The following VWC2 variants were observed in gnomAD, a reference collection of about 807,000 sequenced individuals.
VWC2 encodes the protein von Willebrand factor C domain containing 2.
A neutral mutation model predicts 29.8 loss-of-function variants in VWC2; 14 were observed. That is an observed-to-expected ratio of 0.47 (90% CI 0.31 to 0.74). The LOEUF (loss-of-function observed/expected upper bound fraction) is 0.74, where lower values mean the gene tolerates loss of function less well. VWC2 is among the 30% of genes least tolerant of loss of function. The probability of loss-of-function intolerance (pLI) is 0.05; values close to 1 mark genes in which losing one functional copy is unlikely to be tolerated. For synonymous variants in VWC2, 213 were observed against 199.0 expected, an observed-to-expected ratio of 1.07 and a Z score of -0.59; for missense variants, 457 against 459.8, an observed-to-expected ratio of 0.99 and a Z score of 0.05.
intron 3 of VWC2, among the ~76,000 whole-genome samples, chr7:49,881,308 TAA>T (rs1353027623): frequency 1.3e-5 from 2 of 152,120 alleles, no homozygotes; most frequent in African/African-American, 4.8e-5. Context: ...TGCTGGCCTA[TAA>T]GAGACTCCAC....
chr7:49,853,514 G>C (rs1790282705), intron 3 of VWC2, among the ~76,000 whole-genome samples: 1 of 151,992 alleles, frequency 6.6e-6, no homozygotes, highest in Non-Finnish European at 1.5e-5. Context: ...AGTGGAATAA[G>C]ATAGGTCCTA....
At chr7:49,877,479 AAAATATATAT>A (rs1289370466) in intron 3 of VWC2, among the ~76,000 whole-genome samples, 6 of 12,738 alleles carry the variant, frequency 4.7e-4, no homozygotes, top group Admixed American at 3.8e-3. Flanking sequence ...AAAAAAAAAA[AAAATATATAT>A]ATATATATAT....
chr7:49,792,315 T>C (rs1788479001), intron 2 of VWC2, among the ~76,000 whole-genome samples: 1 of 152,210 alleles, frequency 6.6e-6, no homozygotes, highest in African/African-American at 2.4e-5. Flanking sequence ...ATAAAAAGAC[T>C]GAGGCACAAG....
intron 2 of VWC2, among the ~76,000 whole-genome samples, chr7:49,794,539 G>C (rs1788541475): frequency 6.6e-6 from 1 of 152,150 alleles, no homozygotes; most frequent in Admixed American, 6.5e-5. Context: ...ATGGGTGCTG[G>C]GCCCAGAAGC....
chr7:49,789,334 C>T (rs113872343), intron 2 of VWC2, among the ~76,000 whole-genome samples: 3,824 of 119,672 alleles, frequency 0.032, 158 homozygotes, highest in African/African-American at 0.15. Flanking sequence ...TGTGTGGGTG[C>T]GTGTGAGTGT....
chr7:49,905,528 GAT>G lies in VWC2; in HGVS notation c.827-6505_827-6504del, dbSNP rs1793037803. Among the ~76,000 whole-genome samples the G allele has an allele frequency of 2.0e-5, 3 of 152,308 alleles. 1 individual carries two copies. In the South Asian group the frequency reaches 6.2e-4, roughly 32 times the overall value. On this transcript the variant is annotated intron_variant, in intron 3 of 3. Coordinates refer to ENST00000340652, the MANE Select transcript of VWC2 (RefSeq NM_198570.5). ...TATATTTTAATGTGAGGTAAACCTT[GAT>G]TTCTATCATTTAAAAAAGAGTTTTA...
intron 3 of VWC2, among the ~76,000 whole-genome samples, chr7:49,865,273 G>A (rs1790831058): frequency 6.6e-6 from 1 of 152,158 alleles, no homozygotes; most frequent in African/African-American, 2.4e-5. Context: ...GTTGATCTCT[G>A]AAATCTGAGT....
At chr7:49,834,542 A>T (rs1381422189) in intron 3 of VWC2, among the ~76,000 whole-genome samples, 1 of 152,246 alleles carries the variant, frequency 6.6e-6, no homozygotes, top group Non-Finnish European at 1.5e-5. Flanking sequence ...ATGCTGAATT[A>T]TCAGTAGAAA....
intron 3 of VWC2, among the ~76,000 whole-genome samples, chr7:49,872,929 A>G (rs920376796): frequency 4.2e-4 from 63 of 149,396 alleles, no homozygotes; most frequent in African/African-American, 1.3e-3. Flanking sequence ...AAAAAAAAAA[A>G]AAAAAAAAGA....
In VWC2 at chr7:49,802,855, C is replaced by G; in HGVS notation, c.826+15C>G. On this transcript the variant is annotated intron_variant, in intron 3 of 3. Transcript: ENST00000340652. ...CTGCAAAAATGGTATGTGAGATCCC[C>G]GTTGGTGACGGGGTGCACCTCCCAC... is the stretch of plus-strand genomic sequence containing the variant. The G allele has an allele frequency of 6.2e-7, 1 of 1,613,958 alleles. No individual in the cohort carries two copies. The highest frequency in any genetic ancestry group is 8.5e-7 in the Non-Finnish European group (1 of 1,179,896).
At chr7:49,825,695 G>A (rs79587189) in intron 3 of VWC2, among the ~76,000 whole-genome samples, 203 of 152,314 alleles carry the variant, frequency 1.3e-3, no homozygotes, top group African/African-American at 4.8e-3. Flanking sequence ...AATCCCAGCT[G>A]TAAGGCTTTG....
chr7:49,885,177 T>C (rs569772575), intron 3 of VWC2, among the ~76,000 whole-genome samples: 8 of 152,164 alleles, frequency 5.3e-5, no homozygotes, highest in Admixed American at 2.0e-4. Flanking sequence ...ACATAAGAAA[T>C]TGAAATAATT....
intron 3 of VWC2, among the ~76,000 whole-genome samples, chr7:49,881,806 T>TTGTATATGAATAA (rs1353424717): frequency 2.0e-5 from 3 of 152,114 alleles, no homozygotes; most frequent in East Asian, 3.8e-4. Flanking sequence ...ATAATAATAA[T>TTGTATATGAATAA]TAAAATAATT....
intron 2 of VWC2, among the ~76,000 whole-genome samples, chr7:49,794,052 T>C (rs1461985870): frequency 6.6e-6 from 1 of 152,016 alleles, no homozygotes; most frequent in Admixed American, 6.6e-5. Context: ...GGCTGTAGAG[T>C]TTCTTTGAAT....
intron 3 of VWC2, among the ~76,000 whole-genome samples, chr7:49,892,973 A>C (rs1367741275): frequency 1.3e-5 from 2 of 152,128 alleles, no homozygotes; most frequent in African/African-American, 4.8e-5. Context: ...TTGTTTAATG[A>C]AGCCTGTCCC....
intron 3 of VWC2, among the ~76,000 whole-genome samples, chr7:49,887,658 C>T (rs1237825802): frequency 2.0e-5 from 3 of 148,130 alleles, no homozygotes; most frequent in Non-Finnish European, 4.4e-5. Flanking sequence ...TAAAATAAGC[C>T]CTTCTAAAAT....
At chr7:49,831,230 T>C (rs922786465) in intron 3 of VWC2, among the ~76,000 whole-genome samples, 36 of 152,342 alleles carry the variant, frequency 2.4e-4, no homozygotes, top group African/African-American at 7.5e-4. Context: ...TATCTTCTTT[T>C]GTAAATTTCT....
At chr7:49,899,409 C>T (rs900672171) in intron 3 of VWC2, among the ~76,000 whole-genome samples, 1 of 151,928 alleles carries the variant, frequency 6.6e-6, no homozygotes, top group Non-Finnish European at 1.5e-5. Context: ...CCATGGGTAA[C>T]TGAAACCATG....
At chr7:49,782,789 G>A (rs1788206853) in intron 2 of VWC2, among the ~76,000 whole-genome samples, 3 of 152,042 alleles carry the variant, frequency 2.0e-5, no homozygotes, top group Admixed American at 1.3e-4. Flanking sequence ...AAGAATTTGA[G>A]GTTGCAGTGA....
Sources: allele counts gnomAD v4.1 joint callset (sites outside exome capture counted in the v4.1 genomes callset), GRCh38; gene constraint gnomAD v4.1.1; transcripts MANE v1.5; gene names NCBI Gene and HGNC (gene_info 2026-07-23, HGNC 2026-07-21).